PSD3: variants seen among roughly 807,000 people sequenced by gnomAD.
The protein encoded by PSD3 is PH and SEC7 domain-containing protein 3.
Under a neutral mutation model 105.5 loss-of-function variants are expected in PSD3, and 49 were observed. That is an observed-to-expected ratio of 0.46 (90% CI 0.37 to 0.59). The LOEUF (loss-of-function observed/expected upper bound fraction) is 0.59. Ranked by LOEUF, PSD3 falls within the 20% of genes least tolerant of loss-of-function variation. The pLI is 0.00. For missense variants in PSD3, 1,561 were observed against 1,263.8 expected, an observed-to-expected ratio of 1.24 and a Z score of -3.57; for synonymous variants, 557 against 457.8, an observed-to-expected ratio of 1.22 and a Z score of -2.77.
At chr8:18,952,560 G>A (rs2129470151) in intron 1 of PSD3, among the ~76,000 whole-genome samples, 1 of 152,296 alleles carries the variant, frequency 6.6e-6, no homozygotes, top group South Asian at 2.1e-4. Context: ...ATCCCTAATT[G>A]TGCTGTGAGA....
chr8:18,816,230 C>G (rs752460657), intron 4 of PSD3, among the ~76,000 whole-genome samples: 44 of 152,198 alleles, frequency 2.9e-4, no homozygotes, highest in Non-Finnish European at 5.1e-4. Context: ...GTTTAATACA[C>G]TATTTTAAGC....
chr8:18,914,300 T>C (rs1169702448), intron 2 of PSD3, among the ~76,000 whole-genome samples: 4 of 152,062 alleles, frequency 2.6e-5, no homozygotes, highest in African/African-American at 9.7e-5. Flanking sequence ...CATCACACTC[T>C]TGAGAAACAA....
intron 9 of PSD3, among the ~76,000 whole-genome samples, chr8:18,658,138 CATAGA>C (rs1268756733): frequency 2.0e-5 from 3 of 152,194 alleles, no homozygotes; most frequent in African/African-American, 7.2e-5. Context: ...GTGTAAACAA[CATAGA>C]ATAGAATTTT....
At chr8:18,564,993 A>G (rs955340865) in intron 14 of PSD3, among the ~76,000 whole-genome samples, 16 of 152,222 alleles carry the variant, frequency 1.1e-4, no homozygotes, top group African/African-American at 3.9e-4. Flanking sequence ...ATATCAGGAA[A>G]TGAAGATGTC....
intron 4 of PSD3, chr8:18,808,993 C>A: frequency 7.8e-7 from 1 of 1,282,914 alleles, no homozygotes. Context: ...ATAAAAACAG[C>A]AGCCAGAACA....
intron 1 of PSD3, among the ~76,000 whole-genome samples, chr8:19,000,422 A>T (rs1464358972): frequency 6.6e-6 from 1 of 151,480 alleles, no homozygotes; most frequent in Non-Finnish European, 1.5e-5. Context: ...AGAGAAAAAA[A>T]ACCTGATACA....
At chr8:19,056,331 G>T (rs1328991077) in intron 1 of PSD3, among the ~76,000 whole-genome samples, 1 of 152,144 alleles carries the variant, frequency 6.6e-6, no homozygotes, top group African/African-American at 2.4e-5. Flanking sequence ...CAGAAACTGG[G>T]TCTGAATATG....
intron 13 of PSD3, among the ~76,000 whole-genome samples, chr8:18,573,346 T>G (rs1460750912): frequency 6.6e-6 from 1 of 152,132 alleles, no homozygotes; most frequent in Non-Finnish European, 1.5e-5. Flanking sequence ...GGTGCACACT[T>G]GTAGTCCCAG....
At chr8:18,679,237 G>T (rs1240531649) in intron 9 of PSD3, among the ~76,000 whole-genome samples, 2 of 152,314 alleles carry the variant, frequency 1.3e-5, no homozygotes, top group Admixed American at 6.5e-5. Context: ...GATTTCTTCA[G>T]GTTTCTTTGT....
rs530933111 is a variant in PSD3, at chr8:18,596,685, C to T, written c.2481+3679G>A. Among the ~76,000 whole-genome samples the T allele has an allele frequency of 4.0e-3, 613 of 152,132 alleles. 3 individuals are homozygous for T. Among genetic ancestry groups the T allele is most frequent in the African/African-American group, 0.014 (574 of 41,544 alleles). Reference sequence around the variant, plus strand: ...CATAAACTAAAAGGATTCTAAGAAACTGTTATGAACAATTATACACCAACA... The same window carrying T: ...CATAAACTAAAAGGATTCTAAGAAATTGTTATGAACAATTATACACCAACA... On this transcript the variant is annotated intron_variant, in intron 12 of 15. Transcript: ENST00000327040.
intron 4 of PSD3, among the ~76,000 whole-genome samples, chr8:18,857,453 C>T (rs766863902): frequency 6.6e-6 from 1 of 152,146 alleles, no homozygotes; most frequent in South Asian, 2.1e-4. Flanking sequence ...AGAACCTAGG[C>T]TGCGCATCAG....
intron 14 of PSD3, among the ~76,000 whole-genome samples, chr8:18,570,570 T>C (rs1015797103): frequency 6.7e-6 from 1 of 149,524 alleles, no homozygotes; most frequent in Non-Finnish European, 1.5e-5. Flanking sequence ...AACCTACTAC[T>C]CATCTGACAA....
chr8:18,984,902 TG>T (rs1358699893), intron 1 of PSD3, among the ~76,000 whole-genome samples: 1 of 152,112 alleles, frequency 6.6e-6, no homozygotes, highest in Non-Finnish European at 1.5e-5. Flanking sequence ...CACCAGGAAA[TG>T]GTCCTAACCC....
intron 1 of PSD3, among the ~76,000 whole-genome samples, chr8:19,062,777 A>C (rs1013332489): frequency 6.6e-6 from 1 of 152,214 alleles, no homozygotes; most frequent in Non-Finnish European, 1.5e-5. Flanking sequence ...GACCAAAATC[A>C]GGTAGATTAG....
chr8:18,618,102 C>A (rs537178399), intron 11 of PSD3, among the ~76,000 whole-genome samples: 5 of 152,226 alleles, frequency 3.3e-5, no homozygotes, highest in South Asian at 4.1e-4. Flanking sequence ...ACCCCACCAC[C>A]CCCTCAACTT....
intron 11 of PSD3, among the ~76,000 whole-genome samples, chr8:18,607,231 G>A (rs1210710811): frequency 6.6e-6 from 1 of 152,128 alleles, no homozygotes; most frequent in Non-Finnish European, 1.5e-5. Flanking sequence ...CAGAACAGAG[G>A]CACAGTCTCT....
intron 4 of PSD3, among the ~76,000 whole-genome samples, chr8:18,851,277 G>C (rs1344187666): frequency 6.6e-6 from 1 of 152,170 alleles, no homozygotes; most frequent in Non-Finnish European, 1.5e-5. Context: ...TAAACAACAA[G>C]GCCGGAAGTT....
chr8:18,704,418 A>C (rs1045159644), intron 9 of PSD3, among the ~76,000 whole-genome samples: 5 of 151,700 alleles, frequency 3.3e-5, no homozygotes, highest in African/African-American at 1.2e-4. Context: ...GCTCACTGAA[A>C]CTTCTGTCTC....
Position 19,045,978 on chromosome 8 carries a change from C to T in PSD3, c.324+38228G>A, listed in dbSNP as rs899904083. Among the ~76,000 whole-genome samples the T allele has an allele frequency of 7.9e-5, 12 of 152,290 alleles. No individual in the cohort carries two copies. In the East Asian group the frequency reaches 1.7e-3, roughly 22 times the overall value. On this transcript the variant is annotated intron_variant, in intron 1 of 1. Coordinates refer to the PSD3 transcript ENST00000521475. ...TATAACCATCATCCCTTATCCTCTG[C>T]CCCTAAAAGATGATTACCAAGGATG...
Sources: allele counts gnomAD v4.1 joint callset (sites outside exome capture counted in the v4.1 genomes callset), GRCh38; gene constraint gnomAD v4.1.1; transcripts MANE v1.5; gene names NCBI Gene and HGNC (gene_info 2026-07-23, HGNC 2026-07-21).